Variants in ANK3 observed in about 807,000 individuals in gnomAD.
The protein encoded by ANK3 is ankyrin-3.
Under a neutral mutation model 370.9 loss-of-function variants are expected in ANK3, and 57 were observed. That is an observed-to-expected ratio of 0.15 (90% CI 0.12 to 0.19). The LOEUF (loss-of-function observed/expected upper bound fraction) is 0.19. Ranked by LOEUF, ANK3 falls within the 10% of genes least tolerant of loss-of-function variation. The probability of loss-of-function intolerance (pLI) is 1.00; values close to 1 mark genes in which losing one functional copy is unlikely to be tolerated. For missense variants in ANK3, 4,439 were observed against 5,302.1 expected, an observed-to-expected ratio of 0.84 and a Z score of 5.06; for synonymous variants, 1,929 against 1,946.3, an observed-to-expected ratio of 0.99 and a Z score of 0.23.
intron 25 of ANK3, among the ~76,000 whole-genome samples, chr10:60,130,002 T>C (rs2093978766): frequency 6.6e-6 from 1 of 152,118 alleles, no homozygotes; most frequent in African/African-American, 2.4e-5. Context: ...GTTAGAGGAA[T>C]GAAAGACAAA....
rs1484180675 is a variant in ANK3, at chr10:60,070,168, T to C, written c.10713A>G (p.Val3571=). 5.6e-6 allele frequency: 9 copies of C among 1,614,044 alleles called. No individual in the cohort carries two copies. Among genetic ancestry groups the C allele is most frequent in the Non-Finnish European group, 7.6e-6 (9 of 1,180,020 alleles). ...EDETKPFGLA[V]EDRSPATTPD... ...GGGTTGTTGCTGGAGAGCGGTCTTC[T>C]ACCGCCAGCCCAAATGGCTTAGTTT... The change falls in exon 37 of 44, where the codon GTA becomes GTG. Residue 3571 remains valine (V), a synonymous_variant. Coordinates refer to ENST00000280772, the MANE Select transcript of ANK3 (RefSeq NM_020987.5). This position sits in a 1 kb window ranked among gnomAD's most constrained non-coding sequence, Gnocchi z 5.7.
At chr10:60,659,555 C>T (rs558668006) in intron 1 of ANK3, among the ~76,000 whole-genome samples, 1 of 152,180 alleles carries the variant, frequency 6.6e-6, no homozygotes, top group Non-Finnish European at 1.5e-5. Flanking sequence ...AACTTTAAAA[C>T]TCAAAGATAC....
In ANK3 at chr10:60,072,523, T is replaced by C. The variant is rs1318215355; in HGVS notation, c.8358A>G (p.Val2786=). 6 of 1,613,734 alleles carry C rather than the reference T, an allele frequency of 3.7e-6. No homozygotes were observed. The highest frequency in any genetic ancestry group is 3.3e-5 in the South Asian group (3 of 90,958). The change falls in exon 37 of 44, where the codon GTA becomes GTG. Residue 2786 remains valine (V), a synonymous_variant. Transcript: ENST00000280772. ...ESVSVQKDFM[V]LKTKDEHAQS... is the part of the protein sequence containing the mutation. ...GGGCATGCTCATCTTTGGTTTTTAA[T>C]ACCATAAAATCTTTTTGCACAGATA...
At chr10:60,534,983 C>T (rs1451987226) in intron 2 of ANK3, among the ~76,000 whole-genome samples, 3 of 152,136 alleles carry the variant, frequency 2.0e-5, no homozygotes, top group Non-Finnish European at 2.9e-5. Context: ...ATCCTTAAAA[C>T]CAAACCTAAT....
rs114001487 is a variant in ANK3, at chr10:60,128,144, C to T, written c.2841+6127G>A. Among the ~76,000 whole-genome samples, 412 of 152,240 alleles carry T rather than the reference C, an allele frequency of 2.7e-3. 2 individuals are homozygous for T. Among genetic ancestry groups the T allele is most frequent in the African/African-American group, 9.4e-3 (389 of 41,538 alleles). On this transcript the variant is annotated intron_variant, in intron 25 of 43. Coordinates refer to ENST00000280772, the MANE Select transcript of ANK3 (RefSeq NM_020987.5). ...ATCTTTCATGCTAAAAAATACATCA[C>T]GATGGTGGTTCTGTGGCCCAACCAA...
intron 28 of ANK3, among the ~76,000 whole-genome samples, chr10:60,091,393 G>A (rs1238358528): frequency 6.6e-6 from 1 of 152,146 alleles, no homozygotes; most frequent in Non-Finnish European, 1.5e-5. Context: ...AGTCACTGGG[G>A]ATAGGGTAGA....
At chr10:60,717,104 T>C (rs1357845553) in intron 1 of ANK3, among the ~76,000 whole-genome samples, 2 of 152,134 alleles carry the variant, frequency 1.3e-5, no homozygotes, top group African/African-American at 2.4e-5. Context: ...AAGCTTACAA[T>C]CACAATGTAA....
At chr10:60,637,490 T>C (rs562631365) in intron 1 of ANK3, among the ~76,000 whole-genome samples, 1 of 152,346 alleles carries the variant, frequency 6.6e-6, no homozygotes, top group African/African-American at 2.4e-5. Flanking sequence ...ATTTGTAGTA[T>C]CTTACTACTC....
intron 40 of ANK3, chr10:60,062,909 G>C (rs2080883475): frequency 1.2e-5 from 5 of 428,458 alleles, no homozygotes; most frequent in Non-Finnish European, 2.0e-5. Flanking sequence ...GATTTATATT[G>C]TATATTTATA....
At chr10:60,348,347 CA>C (rs35147179) in intron 1 of ANK3, among the ~76,000 whole-genome samples, 805 of 68,128 alleles carry the variant, frequency 0.012, 5 homozygotes, top group Non-Finnish European at 0.015. Context: ...TATCACTAGC[CA>C]AAAAAAAAAA....
At chr10:60,294,481 CTA>C (rs1337711090) in intron 1 of ANK3, among the ~76,000 whole-genome samples, 1 of 152,106 alleles carries the variant, frequency 6.6e-6, no homozygotes, top group African/African-American at 2.4e-5. Flanking sequence ...GTAAATGAAA[CTA>C]TGTGCCTTTT....
Position 60,617,885 on chromosome 10 carries a change from C to T in ANK3, c.58-2661G>A, listed in dbSNP as rs138467961. ...CATCTTATTACATAGGCCAGAATTT[C>T]CAAAACAATGTTTAAAAGTAATAGT... On this transcript the variant is annotated intron_variant, in intron 1 of 43. Coordinates refer to the ANK3 transcript ENST00000373827. Among the ~76,000 whole-genome samples, 745 of 152,182 alleles carry T rather than the reference C, an allele frequency of 4.9e-3. 9 individuals are homozygous for T. Among genetic ancestry groups the T allele is most frequent in the African/African-American group, 0.017 (697 of 41,522 alleles).
intron 2 of ANK3, among the ~76,000 whole-genome samples, chr10:60,431,267 C>G (rs1567035160): frequency 6.6e-6 from 1 of 152,122 alleles, no homozygotes. Context: ...GCCTAGATCC[C>G]TCACACACAT....
chr10:60,599,603 T>C (rs536395234), intron 2 of ANK3, among the ~76,000 whole-genome samples: 2 of 152,314 alleles, frequency 1.3e-5, no homozygotes, highest in African/African-American at 4.8e-5. Flanking sequence ...TTTGTCCATG[T>C]CACTGTTACT....
intron 2 of ANK3, among the ~76,000 whole-genome samples, chr10:60,611,857 T>A (rs1395753154): frequency 6.6e-6 from 1 of 150,606 alleles, no homozygotes; most frequent in African/African-American, 2.4e-5. Flanking sequence ...ACGGGAGTCA[T>A]ATTCTATAGA....
At chr10:60,600,821 T>A (rs561634745) in intron 2 of ANK3, among the ~76,000 whole-genome samples, 1 of 152,182 alleles carries the variant, frequency 6.6e-6, no homozygotes, top group Admixed American at 6.6e-5. Context: ...CTGGATCAAA[T>A]AATTTGCTGT....
At chr10:60,440,488 G>A (rs1232764357) in intron 2 of ANK3, among the ~76,000 whole-genome samples, 1 of 152,074 alleles carries the variant, frequency 6.6e-6, no homozygotes, top group African/African-American at 2.4e-5. Context: ...AAAACCAGCA[G>A]ATCTCATGAA....
chr10:60,373,364 A>G (rs2060352043), intron 1 of ANK3, among the ~76,000 whole-genome samples: 1 of 152,218 alleles, frequency 6.6e-6, no homozygotes, highest in Non-Finnish European at 1.5e-5. Flanking sequence ...ATGCAAATGA[A>G]TAAGAAACAA....
At chr10:60,032,092 TAC>T (rs2073725858) in intron 43 of ANK3, among the ~76,000 whole-genome samples, 1 of 151,826 alleles carries the variant, frequency 6.6e-6, no homozygotes, top group South Asian at 2.1e-4. Context: ...ATAATGTTAC[TAC>T]AGTCTCACTC....
Sources: gnomAD v4.1 joint callset for allele counts (sites outside exome capture counted in the v4.1 genomes callset) on GRCh38, gnomAD v4.1.1 for gene constraint, Gnocchi (gnomAD v3.1) non-coding constraint, MANE v1.5 for transcripts, NCBI Gene and HGNC (gene_info 2026-07-23, HGNC 2026-07-21) for gene names.